The following LRRFIP2 variants were observed in gnomAD, a reference collection of about 807,000 sequenced individuals.
LRRFIP2 encodes leucine-rich repeat flightless-interacting protein 2.
Under a neutral mutation model 125.9 loss-of-function variants are expected in LRRFIP2, and 109 were observed. The observed-to-expected ratio is 0.87, with a 90% CI of 0.74 to 1.01. The LOEUF (loss-of-function observed/expected upper bound fraction) is 1.01. Ranked by LOEUF, LRRFIP2 falls within the 50% of genes least tolerant of loss-of-function variation. The probability of loss-of-function intolerance (pLI) is 0.00; values close to 1 mark genes in which losing one functional copy is unlikely to be tolerated. For missense variants in LRRFIP2, 850 were observed against 862.3 expected (o/e 0.99, Z 0.18); for synonymous variants, 291 against 293.1 (o/e 0.99, Z 0.07).
chr3:37,091,073 A>C (rs913035782), intron 18 of LRRFIP2, among the ~76,000 whole-genome samples: 2 of 152,158 alleles, frequency 1.3e-5, no homozygotes, highest in African/African-American at 4.8e-5. Flanking sequence ...GTATTTTACA[A>C]GGTTTTAAAA....
intron 1 of LRRFIP2, among the ~76,000 whole-genome samples, chr3:37,149,944 T>A (rs1357596225): frequency 4.0e-5 from 6 of 151,336 alleles, no homozygotes; most frequent in African/African-American, 2.4e-5. Context: ...GAGGTTGCAG[T>A]CAGCCAAGAT....
At chr3:37,145,785 G>A (rs2095843041) in intron 2 of LRRFIP2, among the ~76,000 whole-genome samples, 1 of 152,158 alleles carries the variant, frequency 6.6e-6, no homozygotes, top group Non-Finnish European at 1.5e-5. Context: ...AAACAATCTG[G>A]CATAGTAAGA....
At chr3:37,102,863 T>G in intron 15 of LRRFIP2, 61 bp downstream of exon 15, 1 of 1,052,392 alleles carries the variant, frequency 9.5e-7, no homozygotes, top group Non-Finnish European at 1.4e-6. Context: ...ATAGCTAACA[T>G]ATTAGCTGTT....
chr3:37,124,222 T>G (rs2095184644), intron 4 of LRRFIP2, among the ~76,000 whole-genome samples: 1 of 152,214 alleles, frequency 6.6e-6, no homozygotes, highest in South Asian at 2.1e-4. Flanking sequence ...TAAATTTTAT[T>G]TAATTTTAGT....
intron 20 of LRRFIP2, among the ~76,000 whole-genome samples, chr3:37,074,642 C>T (rs1333134132): frequency 6.6e-6 from 1 of 152,126 alleles, no homozygotes; most frequent in Non-Finnish European, 1.5e-5. Flanking sequence ...ATTTAGCCAC[C>T]TGAGAAATGT....
chr3:37,109,445 AG>A (rs775727260), intron 11 of LRRFIP2, 81 bp downstream of exon 11: 9 of 1,457,286 alleles, frequency 6.2e-6, no homozygotes, highest in Non-Finnish European at 8.7e-6. Flanking sequence ...ACTATTTTGG[AG>A]AAAAGCTGTC....
At chr3:37,091,588 C>A (rs367659188) in intron 17 of LRRFIP2, 50 bp from the exon 18 acceptor site, 40 of 1,283,958 alleles carry the variant, frequency 3.1e-5, no homozygotes, top group Non-Finnish European at 4.2e-5. Flanking sequence ...ACAAACGTAT[C>A]TTAAATCGCA....
chr3:37,143,412 G>T, intron 2 of LRRFIP2: 1 of 166,210 alleles, frequency 6.0e-6, no homozygotes. Context: ...GGACAGGGGA[G>T]AGAAGGCAAT....
chr3:37,098,690 G>A (rs2093860978), intron 15 of LRRFIP2, among the ~76,000 whole-genome samples: 2 of 151,986 alleles, frequency 1.3e-5, no homozygotes, highest in Non-Finnish European at 2.9e-5. Flanking sequence ...ACCATGCCTG[G>A]CCTGAAATTT....
At chr3:37,058,982 C>T (rs2087731172) in intron 24 of LRRFIP2, 72 bp from the exon 25 acceptor site, 5 of 1,572,976 alleles carry the variant, frequency 3.2e-6, no homozygotes, top group Non-Finnish European at 2.6e-6. Context: ...TCTATGGTCA[C>T]ATCATAGAAC....
intron 26 of LRRFIP2, 86 bp downstream of exon 26, chr3:37,055,000 A>G: frequency 1.2e-6 from 1 of 826,488 alleles, no homozygotes; most frequent in Non-Finnish European, 2.0e-6. Flanking sequence ...TCCAACTGCA[A>G]AGGCAACCCA....
chr3:37,075,021 T>C lies in LRRFIP2; in HGVS notation c.1371+3A>G, dbSNP rs2091828897. On this transcript the variant is annotated splice_donor_region_variant and intron_variant, in intron 20 of 27. Coordinates refer to ENST00000336686, the MANE Select transcript of LRRFIP2 (RefSeq NM_006309.4). The stretch of plus-strand genomic sequence containing the variant: ...TAAGTATTCCCACAGTTCATGTACA[T>C]ACCTCAATAAGCTCATCTCTTTGCC... 8.7e-6 allele frequency: 14 copies of C among 1,604,638 alleles called. No homozygotes were observed. In the South Asian group the frequency reaches 1.1e-4, roughly 13 times the overall value.
chr3:37,070,320 G>C (rs1189194494), intron 21 of LRRFIP2, among the ~76,000 whole-genome samples: 3 of 151,726 alleles, frequency 2.0e-5, no homozygotes. Context: ...TACCATGTTG[G>C]TCAGGCTGGT....
At position 37,054,396 on chromosome 3, in the gene LRRFIP2, T is replaced by C. The variant is rs986354536; in HGVS notation, c.2055+15A>G. ...TTAGGAATGTATTCTCCAAGAAACATATTAAAAGAAGTACCTCTCGTTGTA... is the reference window on the plus strand; with the variant it reads ...TTAGGAATGTATTCTCCAAGAAACACATTAAAAGAAGTACCTCTCGTTGTA... On this transcript the variant is annotated intron_variant, in intron 27 of 27. Coordinates refer to ENST00000336686, the MANE Select transcript of LRRFIP2 (RefSeq NM_006309.4). The C allele has an allele frequency of 3.2e-6, 5 of 1,582,402 alleles. No homozygotes were observed. Among genetic ancestry groups the C allele is most frequent in the South Asian group, 1.1e-5 (1 of 89,868 alleles).
chr3:37,083,219 A>G (rs1379715928), intron 19 of LRRFIP2, among the ~76,000 whole-genome samples: 1 of 152,186 alleles, frequency 6.6e-6, no homozygotes, highest in Non-Finnish European at 1.5e-5. Context: ...ACTTCTATCC[A>G]ATTATTTAGA....
At chr3:37,126,012 T>TG (rs1474343742) in intron 4 of LRRFIP2, among the ~76,000 whole-genome samples, 44 of 131,554 alleles carry the variant, frequency 3.3e-4, no homozygotes, top group Admixed American at 7.8e-4. Flanking sequence ...GAATCAGTTT[T>TG]TTTGTTGTTG....
At chr3:37,118,019 T>G (rs1272567343) in intron 6 of LRRFIP2, among the ~76,000 whole-genome samples, 1 of 152,150 alleles carries the variant, frequency 6.6e-6, no homozygotes, top group Non-Finnish European at 1.5e-5. Context: ...AAATAGTAAC[T>G]AAATACATGC....
rs1274105019 is a variant in LRRFIP2, at chr3:37,060,123, A to G, written c.1750-1213T>C. 2.0e-5 allele frequency among the ~76,000 whole-genome samples: 3 copies of G among 151,958 alleles called. No homozygotes were observed. Among genetic ancestry groups the G allele is most frequent in the African/African-American group, 4.8e-5 (2 of 41,344 alleles). ...AGGGTCTGTACGACCACTAACCTTCATCTCCTAACCTTTCCCAATGCCTGA... is the reference window on the plus strand; with the variant it reads ...AGGGTCTGTACGACCACTAACCTTCGTCTCCTAACCTTTCCCAATGCCTGA... On this transcript the variant is annotated intron_variant, in intron 24 of 27. Transcript: ENST00000336686. This position sits in a 1 kb window ranked among gnomAD's most constrained non-coding sequence, Gnocchi z 4.1.
chr3:37,162,044 C>T (rs1014577030), intron 1 of LRRFIP2, among the ~76,000 whole-genome samples: 5 of 148,100 alleles, frequency 3.4e-5, no homozygotes, highest in South Asian at 4.3e-4. Flanking sequence ...ATTAGCTAGG[C>T]GTGGTGGGGA....
Sources: allele counts gnomAD v4.1 joint callset (sites outside exome capture counted in the v4.1 genomes callset), GRCh38; gene constraint gnomAD v4.1.1; non-coding constraint Gnocchi (gnomAD v3.1); transcripts MANE v1.5; gene names NCBI Gene and HGNC (gene_info 2026-07-23, HGNC 2026-07-21).